The following RGS7 variants were observed in gnomAD, a reference collection of about 807,000 sequenced individuals.
RGS7 encodes regulator of G-protein signaling 7.
RGS7 carries 27 observed loss-of-function variants against 81.1 expected under a neutral mutation model. The ratio of observed to expected loss-of-function variants is 0.33; its 90% CI spans 0.25 to 0.46. The LOEUF is 0.46. RGS7 is among the 20% of genes least tolerant of loss of function. The pLI is 1.00. For missense variants in RGS7, 396 were observed against 607.4 expected (o/e 0.65, Z 3.66); for synonymous variants, 208 against 207.7 (o/e 1.00, Z -0.01).
At chr1:240,847,896 G>T (rs1459673027) in intron 9 of RGS7, among the ~76,000 whole-genome samples, 1 of 152,130 alleles carries the variant, frequency 6.6e-6, no homozygotes, top group African/African-American at 2.4e-5. Context: ...TTTATTCTGG[G>T]ATTTCAAGGA....
intron 11 of RGS7, 71 bp downstream of exon 11, chr1:240,816,246 A>ACATTTACCCT (rs1365200872): frequency 1.9e-5 from 18 of 953,338 alleles, no homozygotes; most frequent in Non-Finnish European, 2.9e-5. Context: ...CCCACTATTA[A>ACATTTACCCT]CATTTACCCT....
rs186566042 is a variant in RGS7, at chr1:241,118,747, T to C, written c.79-19985A>G. ...TGAAATTATGTCCTTCCCAGCAACA[T>C]GGAGGAGAGGGGGCCATTATCCTAA... On this transcript the variant is annotated intron_variant, in intron 2 of 18. Coordinates refer to ENST00000440928, the MANE Select transcript of RGS7 (RefSeq NM_001364886.1). Among the ~76,000 whole-genome samples the C allele has an allele frequency of 3.9e-5, 6 of 152,198 alleles. No individual in the cohort carries two copies. In the East Asian group the frequency reaches 5.8e-4, roughly 15 times the overall value.
intron 2 of RGS7, among the ~76,000 whole-genome samples, chr1:241,306,065 G>A (rs948845216): frequency 5.3e-5 from 8 of 151,882 alleles, no homozygotes; most frequent in Admixed American, 5.3e-4. Context: ...GAGAAGAGAG[G>A]TTAATGGTTA....
intron 3 of RGS7, among the ~76,000 whole-genome samples, chr1:241,029,993 C>T (rs1296872013): frequency 1.3e-5 from 2 of 152,162 alleles, no homozygotes; most frequent in Admixed American, 6.5e-5. Flanking sequence ...GCAGTTTTTC[C>T]TAAAGTCTTT....
chr1:240,914,519 A>G (rs1273037573), intron 6 of RGS7, among the ~76,000 whole-genome samples: 9 of 152,206 alleles, frequency 5.9e-5, no homozygotes, highest in Non-Finnish European at 1.3e-4. Context: ...ACTCATGGAG[A>G]AGAAACAACC....
intron 9 of RGS7, among the ~76,000 whole-genome samples, chr1:240,831,627 A>G (rs1164894527): frequency 1.3e-5 from 2 of 148,388 alleles, no homozygotes; most frequent in African/African-American, 5.0e-5. Flanking sequence ...CATTCCAGAC[A>G]TCCTTTTTTT....
chr1:241,132,917 C>T (rs1399122352), intron 2 of RGS7, among the ~76,000 whole-genome samples: 1 of 151,998 alleles, frequency 6.6e-6, no homozygotes, highest in African/African-American at 2.4e-5. Flanking sequence ...TGCCCACCAC[C>T]AAGCCCGGCT....
intron 18 of RGS7, among the ~76,000 whole-genome samples, chr1:240,783,784 C>T (rs1684533003): frequency 6.6e-6 from 1 of 151,904 alleles, no homozygotes; most frequent in Admixed American, 6.6e-5. Flanking sequence ...AAGCAACTTC[C>T]TACATTCTTC....
chr1:241,331,106 G>A (rs1302739995), intron 2 of RGS7, among the ~76,000 whole-genome samples: 4 of 152,070 alleles, frequency 2.6e-5, no homozygotes, highest in African/African-American at 9.7e-5. Flanking sequence ...CAACTAAAGA[G>A]GCACTTTAAA....
At chr1:240,805,067 A>T (rs1031383420) in intron 15 of RGS7, among the ~76,000 whole-genome samples, 1 of 152,144 alleles carries the variant, frequency 6.6e-6, no homozygotes, top group African/African-American at 2.4e-5. Context: ...TTCTGATTTA[A>T]AAACCAACTT....
At chr1:240,911,271 C>T (rs1671707922) in intron 6 of RGS7, among the ~76,000 whole-genome samples, 1 of 152,094 alleles carries the variant, frequency 6.6e-6, no homozygotes, top group South Asian at 2.1e-4. Flanking sequence ...CCATCTCTTT[C>T]TCTCATTTCA....
chr1:241,073,616 G>A (rs541291356), intron 3 of RGS7, among the ~76,000 whole-genome samples: 47 of 152,208 alleles, frequency 3.1e-4, no homozygotes, highest in African/African-American at 1.1e-3. Flanking sequence ...CCTTGGAATC[G>A]GGTGAATCTG....
intron 3 of RGS7, among the ~76,000 whole-genome samples, chr1:241,026,729 T>C (rs1251538133): frequency 6.6e-6 from 1 of 152,010 alleles, no homozygotes; most frequent in African/African-American, 2.4e-5. Flanking sequence ...CCTTGAGCAA[T>C]GCATAAATAA....
At chr1:240,898,294 C>T (rs261816) in intron 6 of RGS7, among the ~76,000 whole-genome samples, 2,882 of 152,152 alleles carry the variant, frequency 0.019, 85 homozygotes, top group African/African-American at 0.066. Context: ...CAGTTCTGCT[C>T]GGATCTTAGT....
intron 4 of RGS7, among the ~76,000 whole-genome samples, chr1:240,944,282 G>GTGTATATATA (rs1352421845): frequency 4.7e-4 from 26 of 55,808 alleles, no homozygotes; most frequent in Non-Finnish European, 6.8e-4. Flanking sequence ...GTGTGTGTGT[G>GTGTATATATA]TATATATATA....
chr1:241,101,818 A>C (rs2064762112), intron 2 of RGS7, among the ~76,000 whole-genome samples: 1 of 152,118 alleles, frequency 6.6e-6, no homozygotes, highest in Admixed American at 6.5e-5. Context: ...GGACATGGAA[A>C]CCTCTCTGAC....
chr1:240,882,619 G>A (rs947521728), intron 6 of RGS7, among the ~76,000 whole-genome samples: 1 of 152,182 alleles, frequency 6.6e-6, no homozygotes, highest in African/African-American at 2.4e-5. Context: ...CAGTGGCAAT[G>A]AAGGAGACAA....
intron 9 of RGS7, among the ~76,000 whole-genome samples, chr1:240,860,875 T>A (rs1016990749): frequency 6.6e-6 from 1 of 152,142 alleles, no homozygotes; most frequent in Non-Finnish European, 1.5e-5. Context: ...TCTCGCTCCA[T>A]CTGAATGTCA....
intron 6 of RGS7, among the ~76,000 whole-genome samples, chr1:240,870,434 G>A (rs1190523949): frequency 6.6e-6 from 1 of 151,916 alleles, no homozygotes; most frequent in Non-Finnish European, 1.5e-5. Flanking sequence ...CACACTCCTA[G>A]GCTCAATTGA....
Sources: allele counts gnomAD v4.1 joint callset (sites outside exome capture counted in the v4.1 genomes callset), GRCh38; gene constraint gnomAD v4.1.1; transcripts MANE v1.5; gene names NCBI Gene and HGNC (gene_info 2026-07-23, HGNC 2026-07-21).